Variants in DAB2IP observed in about 807,000 individuals in gnomAD.
DAB2IP encodes the protein disabled homolog 2-interacting protein.
DAB2IP carries 28 observed loss-of-function variants against 107.2 expected under a neutral mutation model. That is an observed-to-expected ratio of 0.26 (90% confidence interval 0.19 to 0.36). The LOEUF (loss-of-function observed/expected upper bound fraction) is 0.36. Ranked by LOEUF, DAB2IP falls within the 10% of genes least tolerant of loss-of-function variation. The pLI, the probability that DAB2IP is intolerant of heterozygous loss-of-function variation, is 1.00. For missense variants in DAB2IP, 1,400 were observed against 1,644.7 expected, an observed-to-expected ratio of 0.85 and a Z score of 2.57; for synonymous variants, 755 against 706.4, an observed-to-expected ratio of 1.07 and a Z score of -1.09.
chr9:121,737,042 C>T (rs1345067562), intron 3 of DAB2IP, among the ~76,000 whole-genome samples: 11 of 152,286 alleles, frequency 7.2e-5, no homozygotes, highest in Admixed American at 2.0e-4. Context: ...TGAGGAGGAA[C>T]CAGCCTTGCC....
chr9:121,651,870 G>C lies in DAB2IP; in HGVS notation c.95G>C (p.Arg32Pro), dbSNP rs1317153863. ...CCCCGGCTGCAGCGACAGAGGAGCC[G>C]CTCCCGCAGCCGGACCCGGCCTGCC... Residue 32 changes from arginine to proline, a missense_variant, in exon 1 of 16, where the codon CGC becomes CCC. Around this residue, in one of 3 missense-constraint regions of DAB2IP, gnomAD observed 283 missense variants for 237.0 expected, o/e 1.19. Transcript: ENST00000408936. The surrounding 1 kb of genome is among the most constrained non-coding windows in gnomAD (Gnocchi z 5.1). 2.1e-6 allele frequency: 3 copies of C among 1,443,694 alleles called. No homozygotes were observed. The highest frequency in any genetic ancestry group is 1.4e-5 in the South Asian group (1 of 72,308). The allele number at this position is 1,443,694 out of a possible 1,614,324, so 89.4% of individuals were successfully genotyped here.
rs949637188 is a variant in DAB2IP, at chr9:121,629,015, A to G, written c.41-49663A>G. ...GACAGGTGTGGTCACACCTGAAGGT[A>G]ACCCAATCACTTGCGCCTGGAGTGA... On this transcript the variant is annotated intron_variant, in intron 1 of 16. Coordinates refer to the DAB2IP transcript ENST00000259371. 4.3e-4 allele frequency among the ~76,000 whole-genome samples: 65 copies of G among 152,206 alleles called. 1 individual carries two copies. Among genetic ancestry groups the G allele is most frequent in the Admixed American group, 4.3e-3 (65 of 15,284 alleles).
chr9:121,642,285 G>A (rs1467848082), intron 1 of DAB2IP, among the ~76,000 whole-genome samples: 1 of 150,966 alleles, frequency 6.6e-6, no homozygotes, highest in Non-Finnish European at 1.5e-5. Flanking sequence ...CTGTCGCCCA[G>A]GCTGGAGTGC....
chr9:121,782,702 C>T lies in DAB2IP; in HGVS notation c.*204C>T. 3.5e-6 allele frequency: 5 copies of T among 1,419,330 alleles called. No individual in the cohort carries two copies. Among genetic ancestry groups the T allele is most frequent in the East Asian group, 2.6e-5 (1 of 39,116 alleles). The allele number at this position is 1,419,330 out of a possible 1,614,324, so 87.9% of individuals were successfully genotyped here. A position where few individuals can be genotyped will look rare whatever the true frequency, so the allele number is the denominator to read the frequency against. On this transcript the variant is annotated 3_prime_UTR_variant, in exon 16 of 16. Coordinates refer to ENST00000408936, the Ensembl canonical transcript of DAB2IP. This position sits in a 1 kb window ranked among gnomAD's most constrained non-coding sequence, Gnocchi z 6.1. ...CAGCGTGAGGCGAGGTCACCAGCCG[C>T]TCCCTGTGGGGTGCGGGCAGAAGAG...
At chr9:121,700,959 A>G (rs1589542527) in intron 3 of DAB2IP, among the ~76,000 whole-genome samples, 1 of 151,970 alleles carries the variant, frequency 6.6e-6, no homozygotes, top group East Asian at 1.9e-4. Flanking sequence ...CTCGCTTCCC[A>G]TCTTTGTTAT....
In DAB2IP at chr9:121,684,686, C is replaced by G. The variant is rs913745237; in HGVS notation, c.228+5905C>G. Among the ~76,000 whole-genome samples, 8 of 152,244 alleles carry G rather than the reference C, an allele frequency of 5.3e-5. No individual in the cohort carries two copies. The highest frequency in any genetic ancestry group is 2.1e-4 in the South Asian group (1 of 4,834). ...CTGCAGAGCCGGCCCCGCTGCCCCC[C>G]ATTTGTGCCCCTTCCAAGCTACGGA... On this transcript the variant is annotated intron_variant, in intron 2 of 15. Transcript: ENST00000408936. The surrounding 1 kb of genome is among the most constrained non-coding windows in gnomAD (Gnocchi z 4.0).
chr9:121,654,231 A>G (rs935921738), intron 1 of DAB2IP, among the ~76,000 whole-genome samples: 1 of 147,084 alleles, frequency 6.8e-6, no homozygotes, highest in Non-Finnish European at 1.5e-5. Flanking sequence ...CGGCTTGGGT[A>G]TTGAGAATAG....
At chr9:121,606,725 G>T (rs532954283) in intron 1 of DAB2IP, among the ~76,000 whole-genome samples, 5 of 151,890 alleles carry the variant, frequency 3.3e-5, no homozygotes, top group Admixed American at 2.6e-4. Context: ...CTCAGGCAGT[G>T]GGGGGTGAGG....
At chr9:121,773,079 T>G in exon 12 of DAB2IP, 2 of 1,612,556 alleles carry the variant, frequency 1.2e-6, no homozygotes, top group South Asian at 1.1e-5. Context: ...CGACTCAGGC[T>G]CTGAGGGCCA....
intron 12 of DAB2IP, 92 bp downstream of exon 12, chr9:121,773,587 A>T: frequency 7.7e-7 from 1 of 1,299,448 alleles, no homozygotes; most frequent in Non-Finnish European, 9.8e-7. Flanking sequence ...CGGTCATTTC[A>T]CCTCCACCCT....
At chr9:121,769,882 T>TTTGCCTCTCAATTGCGTGCTCTATTGCC (rs1834572604) in intron 10 of DAB2IP, among the ~76,000 whole-genome samples, 4 of 152,328 alleles carry the variant, frequency 2.6e-5, no homozygotes, top group Non-Finnish European at 1.5e-5. Context: ...AACTCAACTG[T>TTTGCCTCTCAATTGCGTGCTCTATTGCC]TTGCCTCTCA....
At chr9:121,650,015 G>GTT (rs1452597557), upstream of DAB2IP, among the ~76,000 whole-genome samples, 1 of 151,862 alleles carries the variant, frequency 6.6e-6, no homozygotes, top group Non-Finnish European at 1.5e-5. Context: ...TGGTTTTTTT[G>GTT]TTTGTTTGTT....
chr9:121,754,487 A>G (rs911807346), intron 3 of DAB2IP, among the ~76,000 whole-genome samples: 1 of 152,072 alleles, frequency 6.6e-6, no homozygotes, highest in South Asian at 2.1e-4. Flanking sequence ...GGCTGCAGGG[A>G]TGGATGCAGC....
At chr9:121,767,778 C>T (rs749104180) in intron 9 of DAB2IP, among the ~76,000 whole-genome samples, 3 of 152,116 alleles carry the variant, frequency 2.0e-5, no homozygotes, top group East Asian at 1.9e-4. Context: ...GTGGTTCCAG[C>T]AACAATAGCA....
At chr9:121,613,809 A>G (rs1831172620) in intron 1 of DAB2IP, among the ~76,000 whole-genome samples, 1 of 152,240 alleles carries the variant, frequency 6.6e-6, no homozygotes, top group African/African-American at 2.4e-5. Context: ...ATTCAGAACA[A>G]ATGACCTATG....
intron 2 of DAB2IP, among the ~76,000 whole-genome samples, chr9:121,695,799 A>G (rs540545887): frequency 2.2e-4 from 34 of 152,356 alleles, no homozygotes; most frequent in African/African-American, 8.2e-4. Flanking sequence ...GGAATTGCAC[A>G]TGGCTTTTGT....
At position 121,701,751 on chromosome 9, in the gene DAB2IP, A is replaced by G. The variant is rs944408600; in HGVS notation, c.362+2293A>G. Among the ~76,000 whole-genome samples, 5 of 152,100 alleles carry G rather than the reference A, an allele frequency of 3.3e-5. No individual in the cohort carries two copies. ...TGGAGTTCAGTGAGTAAAAACAACT[A>G]TGGTGACCCCGCCCGCCCCCCAGCT... On this transcript the variant is annotated intron_variant, in intron 3 of 15. Transcript: ENST00000408936. This position sits in a 1 kb window ranked among gnomAD's most constrained non-coding sequence, Gnocchi z 4.7.
At chr9:121,643,615 A>G (rs1832436339) in intron 1 of DAB2IP, among the ~76,000 whole-genome samples, 1 of 151,896 alleles carries the variant, frequency 6.6e-6, no homozygotes, top group South Asian at 2.1e-4. Flanking sequence ...CTCCAAGAAT[A>G]TACTTTTCTG....
In DAB2IP at chr9:121,736,478, A is replaced by G. The variant is rs1265111227; in HGVS notation, c.363-20535A>G. 1.4e-5 allele frequency among the ~76,000 whole-genome samples: 2 copies of G among 143,782 alleles called. No homozygotes were observed. The highest frequency in any genetic ancestry group is 3.0e-5 in the Non-Finnish European group (2 of 66,516). 94.3% of individuals were successfully genotyped at this position (143,782 alleles called of 152,430 possible). ...GCTAGCGGGAAGTGGCTGCAGCTGG[A>G]GGCAGCTGGCCGCGGAATGTCACCC... On this transcript the variant is annotated intron_variant, in intron 3 of 15. Transcript: ENST00000408936. This position sits in a 1 kb window ranked among gnomAD's most constrained non-coding sequence, Gnocchi z 4.6.
Sources: gnomAD v4.1 joint callset for allele counts (sites outside exome capture counted in the v4.1 genomes callset) on GRCh38, gnomAD v4.1.1 for gene constraint, gnomAD v4.1.1 regional missense constraint, Gnocchi (gnomAD v3.1) non-coding constraint, MANE v1.5 for transcripts, NCBI Gene and HGNC (gene_info 2026-07-23, HGNC 2026-07-21) for gene names.